ZIM2: variants seen among roughly 807,000 people sequenced by gnomAD.
The protein encoded by ZIM2 is zinc finger protein 656.
A neutral mutation model predicts 38.6 loss-of-function variants in ZIM2; 14 were observed. The ratio of observed to expected loss-of-function variants is 0.36; its 90% CI spans 0.24 to 0.57. The LOEUF (loss-of-function observed/expected upper bound fraction) is 0.57. ZIM2 is among the 20% of genes least tolerant of loss of function. The pLI is 0.81. For missense variants in ZIM2, 680 were observed against 695.1 expected, an observed-to-expected ratio of 0.98 and a Z score of 0.24; for synonymous variants, 247 against 245.8, an observed-to-expected ratio of 1.00 and a Z score of -0.04.
chr19:56,816,557 A>G (rs771178640), intron 9 of ZIM2: 1 of 1,614,052 alleles, frequency 6.2e-7, no homozygotes, highest in Admixed American at 1.7e-5. Context: ...CACACCTTAC[A>G]TTCGTACATT....
chr19:56,822,379 A>C (rs1397531179), intron 6 of ZIM2: 1 of 200,370 alleles, frequency 5.0e-6, no homozygotes, highest in Non-Finnish European at 1.0e-5. Flanking sequence ...GTCATGGCAG[A>C]CATTCCTAGT....
chr19:56,834,436 ATGG>A (rs1344778937), intron 2 of ZIM2, among the ~76,000 whole-genome samples: 1 of 152,114 alleles, frequency 6.6e-6, no homozygotes, highest in Non-Finnish European at 1.5e-5. Flanking sequence ...CCTTCTCATT[ATGG>A]TTGTGTTTCC....
chr19:56,814,579 C>T lies in ZIM2; in HGVS notation c.490+3167G>A. The T allele has an allele frequency of 6.2e-7, 1 of 1,613,920 alleles. No homozygotes were observed. Among genetic ancestry groups the T allele is most frequent in the Non-Finnish European group, 8.5e-7 (1 of 1,179,914 alleles). ...TTCTGCTGGGTTGACGAAAGATTCT[C>T]CACAGACTGCACATTCAAAGAGTCT... On this transcript the variant is annotated intron_variant, in intron 9 of 12. Coordinates refer to ENST00000629319, the MANE Select transcript of ZIM2 (RefSeq NM_001387356.1). This position sits in a 1 kb window ranked among gnomAD's most constrained non-coding sequence, Gnocchi z 5.8.
chr19:56,812,023 A>G (rs988371916), intron 9 of ZIM2: 14 of 984,752 alleles, frequency 1.4e-5, no homozygotes, highest in Non-Finnish European at 1.6e-5. Context: ...CTAATCCTGC[A>G]GATCCAGAAG....
At chr19:56,835,163 C>T (rs2061963564) in intron 2 of ZIM2, among the ~76,000 whole-genome samples, 2 of 152,154 alleles carry the variant, frequency 1.3e-5, no homozygotes, top group Non-Finnish European at 2.9e-5. Context: ...TCTCCCCACA[C>T]CCACTGCGTC....
rs150347938 is a variant in ZIM2, at chr19:56,775,402, T to G, written c.963A>C (p.Arg321Ser). 7.4e-6 allele frequency: 12 copies of G among 1,614,006 alleles called. No individual in the cohort carries two copies. Among genetic ancestry groups the G allele is most frequent in the Non-Finnish European group, 9.3e-6 (11 of 1,180,034 alleles). ...TTGATTGTTTACTAAGATTAGAGCT[T>G]CTCTCAAATTCATCACTGCCATAGC... is the stretch of plus-strand genomic sequence containing the variant. ...ERSYGSDEFE[R>S]SSNLSKQSKD... The change falls in exon 13 of 13, where the codon AGA becomes AGC. Residue 321 changes from arginine to serine, a missense_variant. Physicochemically the swap from Arg to Ser is moderately radical, Grantham distance 110. Coordinates refer to ENST00000629319, the MANE Select transcript of ZIM2 (RefSeq NM_001387356.1).
At chr19:56,786,488 A>G (rs1325460236) in intron 10 of ZIM2, among the ~76,000 whole-genome samples, 1 of 152,202 alleles carries the variant, frequency 6.6e-6, no homozygotes, top group Admixed American at 6.5e-5. Context: ...TTTATGTTTG[A>G]TGATTTCATT....
intron 10 of ZIM2, among the ~76,000 whole-genome samples, chr19:56,787,111 C>T (rs1213547039): frequency 6.6e-6 from 1 of 152,132 alleles, no homozygotes; most frequent in African/African-American, 2.4e-5. Context: ...GCTGGGGTTA[C>T]AGGTATGAGC....
intron 9 of ZIM2, chr19:56,811,936 A>T (rs2059567312): frequency 1.6e-5 from 16 of 985,162 alleles, no homozygotes; most frequent in Non-Finnish European, 1.7e-5. Flanking sequence ...TGACTCACTC[A>T]TTTCTGCTTC....
At chr19:56,821,821 C>G in intron 6 of ZIM2, 67 bp from the exon 7 acceptor site, 2 of 1,570,134 alleles carry the variant, frequency 1.3e-6, no homozygotes, top group Non-Finnish European at 1.7e-6. Flanking sequence ...AGGTTTGTCC[C>G]ACTCAACTAT....
At chr19:56,812,618 C>G (rs1036227664) in intron 9 of ZIM2, 1 of 985,418 alleles carries the variant, frequency 1.0e-6, no homozygotes, top group African/African-American at 1.8e-5. Flanking sequence ...AGGAAGCGCA[C>G]AAAGGAAGTG....
chr19:56,803,973 C>T (rs1443479740), intron 9 of ZIM2, among the ~76,000 whole-genome samples: 1 of 152,262 alleles, frequency 6.6e-6, no homozygotes, highest in African/African-American at 2.4e-5. Context: ...AAGGCTCACT[C>T]TAACACCCAC....
chr19:56,786,423 C>T (rs1268305033), intron 10 of ZIM2, among the ~76,000 whole-genome samples: 1 of 152,168 alleles, frequency 6.6e-6, no homozygotes, highest in East Asian at 1.9e-4. Flanking sequence ...AATAAACAAA[C>T]AGATGATGAC....
In ZIM2 at chr19:56,811,961, A is replaced by C. The variant is rs564608759; in HGVS notation, c.490+5785T>G. 3.0e-6 allele frequency: 3 copies of C among 985,346 alleles called. No individual in the cohort carries two copies. The South Asian group carries it at 1.4e-4, about 46-fold the overall frequency. The allele number at this position is 985,346 out of a possible 1,614,324, so 61.0% of individuals were successfully genotyped here. ...ATTTCTGCTTCTTGCTCTCAGCTCTACAATCTTCCTAAACTTTGACACTCC... is the reference window on the plus strand; with the variant it reads ...ATTTCTGCTTCTTGCTCTCAGCTCTCCAATCTTCCTAAACTTTGACACTCC... On this transcript the variant is annotated intron_variant, in intron 9 of 12. Coordinates refer to ENST00000629319, the MANE Select transcript of ZIM2 (RefSeq NM_001387356.1).
At chr19:56,838,443 G>A (rs1223307317) in intron 1 of ZIM2, among the ~76,000 whole-genome samples, 3 of 152,166 alleles carry the variant, frequency 2.0e-5, no homozygotes, top group Non-Finnish European at 2.9e-5. Context: ...TCAGTCCCGA[G>A]GAACGGTCCC....
chr19:56,814,122 A>T lies in ZIM2; in HGVS notation c.490+3624T>A. 6.2e-7 allele frequency: 1 copy of T among 1,613,706 alleles called. No homozygotes were observed. Among genetic ancestry groups the T allele is most frequent in the Non-Finnish European group, 8.5e-7 (1 of 1,179,936 alleles). On this transcript the variant is annotated intron_variant, in intron 9 of 12. Coordinates refer to ENST00000629319, the MANE Select transcript of ZIM2 (RefSeq NM_001387356.1). This position sits in a 1 kb window ranked among gnomAD's most constrained non-coding sequence, Gnocchi z 5.8. ...CCCCATTTGGCTGCTCGGCCTCTCC[A>T]TTTGGCTGTCCAGCCTCTCCAATGG...
At chr19:56,794,934 T>C (rs1365821402) in intron 9 of ZIM2, among the ~76,000 whole-genome samples, 1 of 152,270 alleles carries the variant, frequency 6.6e-6, no homozygotes, top group Non-Finnish European at 1.5e-5. Flanking sequence ...TTTTATTCTT[T>C]AATTTTACAT....
rs748156349 is a variant in ZIM2 at position 56,814,989 on chromosome 19, G to A, written c.490+2757C>T. On this transcript the variant is annotated intron_variant, in intron 9 of 12. Transcript: ENST00000629319. The surrounding 1 kb of genome is among the most constrained non-coding windows in gnomAD (Gnocchi z 5.8). ...CTCCAGTGTAATCTCTCTGATACTC[G>A]CTGATGGAATGGGTGTGAATTACAG... is the stretch of plus-strand genomic sequence containing the variant. 14 of 1,613,970 alleles carry A rather than the reference G, an allele frequency of 8.7e-6. No homozygotes were observed. The highest frequency in any genetic ancestry group is 3.3e-5 in the South Asian group (3 of 91,082).
At chr19:56,812,893 G>T (rs1423486436) in intron 9 of ZIM2, 10 of 985,174 alleles carry the variant, frequency 1.0e-5, no homozygotes, top group Non-Finnish European at 1.2e-5. Context: ...ATAACATGTG[G>T]CAACCAATCA....
Sources: allele counts gnomAD v4.1 joint callset (sites outside exome capture counted in the v4.1 genomes callset), GRCh38; gene constraint gnomAD v4.1.1; non-coding constraint Gnocchi (gnomAD v3.1); transcripts MANE v1.5; gene names NCBI Gene and HGNC (gene_info 2026-07-23, HGNC 2026-07-21).